The following SCUBE2 variants were observed in gnomAD, a reference collection of about 807,000 sequenced individuals.
SCUBE2 encodes signal peptide, CUB domain and EGF like domain containing 2, also known as signal peptide, CUB and EGF-like domain-containing protein 2.
SCUBE2 carries 114 observed loss-of-function variants against 125.9 expected under a neutral mutation model. The observed-to-expected ratio is 0.91, with a 90% confidence interval of 0.78 to 1.06. The LOEUF (loss-of-function observed/expected upper bound fraction) is 1.06, where lower values mean the gene tolerates loss of function less well. SCUBE2 is among the 50% of genes least tolerant of loss of function. The probability of loss-of-function intolerance (pLI) is 0.00; values close to 1 mark genes in which losing one functional copy is unlikely to be tolerated. For missense variants in SCUBE2, 1,255 were observed against 1,301.8 expected (o/e 0.96, Z 0.55); for synonymous variants, 459 against 492.9 (o/e 0.93, Z 0.91).
rs369995467 is a variant in SCUBE2, at chr11:9,055,860, G to C, written c.1140C>G (p.Asn380Lys). The change falls in exon 10 of 23, where the codon AAC becomes AAG. Residue 380 changes from asparagine to lysine, a missense_variant. Transcript: ENST00000649792. ...LDRTCDHSCINHPGTFACACN... is the reference protein window; with the variant it reads ...LDRTCDHSCIKHPGTFACACN... ...AAGCACAAGCAAATGTGCCAGGGTG[G>C]TTGATGCAGCTGTGGTCACAGGTCC... 11 of 1,614,084 alleles carry C rather than the reference G, an allele frequency of 6.8e-6. No individual in the cohort carries two copies. The highest frequency in any genetic ancestry group is 9.3e-6 in the Non-Finnish European group (11 of 1,180,046).
intron 18 of SCUBE2, 155 bp from the exon 19 acceptor site, chr11:9,030,200 T>G: frequency 1.3e-6 from 1 of 755,404 alleles, no homozygotes; most frequent in Non-Finnish European, 2.1e-6. Context: ...CTTAATTCCC[T>G]AAATAGGCAG....
chr11:9,069,560 G>A (rs558353747), intron 4 of SCUBE2, 65 bp from the exon 5 acceptor site: 45 of 1,603,178 alleles, frequency 2.8e-5, no homozygotes, highest in East Asian at 1.6e-4. Context: ...CTGGGAGAGC[G>A]GCAAAGGGCT....
At chr11:9,045,291 C>G (rs61876302) in intron 16 of SCUBE2, among the ~76,000 whole-genome samples, 2 of 152,094 alleles carry the variant, frequency 1.3e-5, no homozygotes, top group Non-Finnish European at 2.9e-5. Flanking sequence ...GATTAGGGAG[C>G]TGTGGAGAGA....
At position 9,060,460 on chromosome 11, in the gene SCUBE2, G is replaced by A; in HGVS notation, c.915C>T (p.His305=). The A allele has an allele frequency of 6.2e-7, 1 of 1,614,126 alleles. No individual in the cohort carries two copies. Among genetic ancestry groups the A allele is most frequent in the South Asian group, 1.1e-5 (1 of 91,080 alleles). The change falls in exon 8 of 23, where the codon CAC becomes CAT. Residue 305 remains histidine, a synonymous_variant. Coordinates refer to ENST00000649792, the MANE Select transcript of SCUBE2 (RefSeq NM_001367977.2). ...RTCKDTSTGV[H]CSCPVGFTLQ... ...GAGTGAATCCAACAGGACAACTGCAGTGGACACCTGTCGAAGTATCCTTAC... is the reference window on the plus strand; with the variant it reads ...GAGTGAATCCAACAGGACAACTGCAATGGACACCTGTCGAAGTATCCTTAC...
intron 4 of SCUBE2, among the ~76,000 whole-genome samples, chr11:9,073,092 G>A (rs1252277074): frequency 1.3e-5 from 2 of 152,206 alleles, no homozygotes; most frequent in East Asian, 3.8e-4. Context: ...GGAAGCCAAA[G>A]TGACTTCCCA....
In SCUBE2 at chr11:9,059,302, C is replaced by T; in HGVS notation, c.1090+1G>A. The T allele has an allele frequency of 6.2e-7, 1 of 1,614,008 alleles. No individual in the cohort carries two copies. The highest frequency in any genetic ancestry group is 8.5e-7 in the Non-Finnish European group (1 of 1,179,968). On this transcript the variant is annotated splice_donor_variant, in intron 9 of 22. Transcript: ENST00000649792. LOFTEE classifies it high-confidence loss of function. ...AGCACAGCTATGTTTTCAGCACATA[C>T]CTTGGCAAGACTTCTCATCTGTTAA...
chr11:9,060,424 A>G lies in SCUBE2; in HGVS notation c.951T>C (p.Asp317=), dbSNP rs772675746. 6.2e-7 allele frequency: 1 copy of G among 1,613,862 alleles called. No homozygotes were observed. ...GAAGGCTACCTTTACATGTCTTCCC[A>G]TCCAACTGGAGAGTGAATCCAACAG... ...SCPVGFTLQL[D]GKTCKDIDEC... The change falls in exon 8 of 23, where the codon GAT becomes GAC. Residue 317 remains aspartate (D), a synonymous_variant. Transcript: ENST00000649792.
At chr11:9,061,085 A>G (rs542073909) in intron 7 of SCUBE2, among the ~76,000 whole-genome samples, 10 of 152,360 alleles carry the variant, frequency 6.6e-5, no homozygotes, top group African/African-American at 2.2e-4. Context: ...ATAAGCCACA[A>G]TTGTTAAATT....
At chr11:9,042,894 A>G (rs1857378094) in intron 16 of SCUBE2, among the ~76,000 whole-genome samples, 1 of 152,184 alleles carries the variant, frequency 6.6e-6, no homozygotes, top group Non-Finnish European at 1.5e-5. Context: ...TAGGACCTGC[A>G]TGTTCTCAGT....
intron 2 of SCUBE2, among the ~76,000 whole-genome samples, chr11:9,080,437 G>A (rs548092908): frequency 2.0e-4 from 31 of 152,188 alleles, no homozygotes; most frequent in African/African-American, 7.2e-4. Context: ...AGGATCAATT[G>A]AGCCCAGGAG....
rs541193667 is a variant in SCUBE2 at position 9,050,505 on chromosome 11, G to A, written c.1639+101C>T. On this transcript the variant is annotated intron_variant, in intron 14 of 22. Transcript: ENST00000649792. ...GTTCCATCTGCAGTGTGCTTGGATC[G>A]GCTGGACAGCCCCTGGCCCCCATGG... 660 of 849,004 alleles carry A rather than the reference G, an allele frequency of 7.8e-4. 9 individuals are homozygous for A. The highest frequency in any genetic ancestry group is 5.3e-3 in the South Asian group (379 of 71,278). The allele number at this position is 849,004 out of a possible 1,614,324, so 52.6% of individuals were successfully genotyped here.
intron 5 of SCUBE2, among the ~76,000 whole-genome samples, chr11:9,067,929 A>G (rs2135733320): frequency 7.7e-6 from 1 of 130,132 alleles, no homozygotes; most frequent in East Asian, 2.6e-4. Context: ...CCCGCAGGTG[A>G]GTCTTGGAGG....
chr11:9,084,405 A>C (rs1861895023), intron 2 of SCUBE2, among the ~76,000 whole-genome samples: 1 of 152,250 alleles, frequency 6.6e-6, no homozygotes, highest in Non-Finnish European at 1.5e-5. Context: ...GACACACATC[A>C]CAGTAATAAC....
chr11:9,061,340 T>C (rs1221707163), intron 7 of SCUBE2, among the ~76,000 whole-genome samples: 1 of 152,084 alleles, frequency 6.6e-6, no homozygotes, highest in Non-Finnish European at 1.5e-5. Context: ...GAGGATCACC[T>C]GAGCCCAGGG....
chr11:9,030,230 A>G, intron 18 of SCUBE2, 185 bp from the exon 19 acceptor site: 1 of 619,744 alleles, frequency 1.6e-6, no homozygotes, highest in Non-Finnish European at 2.8e-6. Flanking sequence ...GGCTCATGAA[A>G]TAGAGAAATA....
intron 21 of SCUBE2, chr11:9,024,255 C>T: frequency 3.7e-6 from 4 of 1,072,242 alleles, no homozygotes; most frequent in African/African-American, 1.7e-5. Context: ...TTTTTGCTTT[C>T]TTCCTGATTC....
chr11:9,040,211 A>G (rs949638496), intron 16 of SCUBE2, among the ~76,000 whole-genome samples: 4 of 152,212 alleles, frequency 2.6e-5, no homozygotes, highest in African/African-American at 9.7e-5. Context: ...GGGTTTTCCT[A>G]TGCGTGCTTA....
intron 21 of SCUBE2, chr11:9,024,215 C>T (rs1416976788): frequency 9.2e-7 from 1 of 1,087,078 alleles, no homozygotes; most frequent in Admixed American, 4.3e-5. Flanking sequence ...GAGTTGAGAA[C>T]AGCCATATTT....
rs539841850 is a variant in SCUBE2, at chr11:9,034,926, C to T, written c.2003-1130G>A. On this transcript the variant is annotated intron_variant, in intron 16 of 22. Transcript: ENST00000649792. ...AGGAGAATTGCTTGAGCTCTGCAAA[C>T]GCGGAGGTTGCAATGGGCCGAGATG... Among the ~76,000 whole-genome samples, 677 of 152,160 alleles carry T rather than the reference C, an allele frequency of 4.4e-3. 3 individuals are homozygous for T. Among genetic ancestry groups the T allele is most frequent in the African/African-American group, 0.014 (599 of 41,524 alleles).
Sources: gnomAD v4.1 joint callset for allele counts (sites outside exome capture counted in the v4.1 genomes callset) on GRCh38, gnomAD v4.1.1 for gene constraint, MANE v1.5 for transcripts, NCBI Gene and HGNC (gene_info 2026-07-23, HGNC 2026-07-21) for gene names.